The following BRIP1 variants were observed in gnomAD, a reference collection of about 807,000 sequenced individuals.
The protein encoded by BRIP1 is BRCA1 interacting DNA helicase 1.
In BRIP1, 88 loss-of-function variants were observed where a neutral mutation model predicts 119.7. That is an observed-to-expected ratio of 0.74 (90% CI 0.62 to 0.88). The LOEUF (loss-of-function observed/expected upper bound fraction) is 0.88, where lower values mean the gene tolerates loss of function less well. Among genes scored for constraint, BRIP1 ranks in the 40% least tolerant of loss-of-function variants. BRIP1 has a pLI of 0.00. For synonymous variants in BRIP1, 443 were observed against 496.5 expected (o/e 0.89, Z 1.43); for missense variants, 1,259 against 1,455.4 (o/e 0.87, Z 2.20).
Position 61,847,248 on chromosome 17 carries a change from T to C in BRIP1, c.508-28A>G, listed in dbSNP as rs2145745840. ...GTAAACACAGAACCAAAATGAAGTT[T>C]AAGGTGAACTAGAAGTTTAACTGGC... On this transcript the variant is annotated intron_variant, in intron 5 of 19. Coordinates refer to ENST00000259008, the MANE Select transcript of BRIP1 (RefSeq NM_032043.3). 1 of 1,612,840 alleles carries C rather than the reference T, an allele frequency of 6.2e-7. No individual in the cohort carries two copies.
Position 61,795,566 on chromosome 17 carries a change from G to T in BRIP1, c.1341-1837C>A, listed in dbSNP as rs1214562209. Among the ~76,000 whole-genome samples, 1 of 151,998 alleles carries T rather than the reference G, an allele frequency of 6.6e-6. No individual in the cohort carries two copies. The highest frequency in any genetic ancestry group is 1.5e-5 in the Non-Finnish European group (1 of 67,952). The stretch of plus-strand genomic sequence containing the variant: ...AGTGACTTCCAATTTTATCCATTTT[G>T]TTGCAAATGACAGGATCTCCTTCTG... On this transcript the variant is annotated intron_variant, in intron 9 of 19. Transcript: ENST00000259008. The surrounding 1 kb of genome is among the most constrained non-coding windows in gnomAD (Gnocchi z 5.6).
Position 61,780,400 on chromosome 17 carries a change from G to T in BRIP1, c.1796C>A (p.Ala599Asp), listed in dbSNP as rs2145081917. ...AACTTTGCCATTAATATCTGAAAAG[G>T]CCTAAAAGAAAACAACATTAGATAA... ...LNFWCLNPAV[A>D]FSDINGKVQT... is the part of the protein sequence containing the mutation. Residue 599 changes from alanine (A) to aspartate (D), a missense_variant and splice_region_variant, in exon 13 of 20, where the codon GCC (alanine) becomes GAC (aspartate). Transcript: ENST00000259008. The surrounding 1 kb of genome is among the most constrained non-coding windows in gnomAD (Gnocchi z 5.4). 6.2e-7 allele frequency: 1 copy of T among 1,608,230 alleles called. No homozygotes were observed. The highest frequency in any genetic ancestry group is 8.5e-7 in the Non-Finnish European group (1 of 1,174,878).
In BRIP1 at chr17:61,689,699, T is replaced by C. The variant is rs2061419303; in HGVS notation, c.2576-3534A>G. On this transcript the variant is annotated intron_variant, in intron 18 of 19. Coordinates refer to ENST00000259008, the MANE Select transcript of BRIP1 (RefSeq NM_032043.3). This position sits in a 1 kb window ranked among gnomAD's most constrained non-coding sequence, Gnocchi z 4.5. ...AGCAAGATAAAAGCAACTTGTCATA[T>C]ACAAATGAAGTCCCATAAGACAGTC... Among the ~76,000 whole-genome samples the C allele has an allele frequency of 6.6e-6, 1 of 152,128 alleles. No homozygotes were observed. The highest frequency in any genetic ancestry group is 1.5e-5 in the Non-Finnish European group (1 of 68,016).
intron 17 of BRIP1, among the ~76,000 whole-genome samples, chr17:61,698,449 G>A (rs1257848151): frequency 2.0e-5 from 3 of 152,130 alleles, no homozygotes; most frequent in South Asian, 2.1e-4. Context: ...AGCAGAATGC[G>A]TATTTTCCTG....
Position 61,684,184 on chromosome 17 carries a change from C to A in BRIP1, c.2906-44G>T, listed in dbSNP as rs2144095513. On this transcript the variant is annotated intron_variant, in intron 19 of 19. Transcript: ENST00000259008. This position sits in a 1 kb window ranked among gnomAD's most constrained non-coding sequence, Gnocchi z 4.5. The stretch of plus-strand genomic sequence containing the variant: ...AAGAGATTTAACTTTCTGCTCCTAG[C>A]TAACATAATTGCTAGGTTAAAATAA... 1.3e-6 allele frequency: 2 copies of A among 1,594,566 alleles called. No individual in the cohort carries two copies. The highest frequency in any genetic ancestry group is 1.7e-6 in the Non-Finnish European group (2 of 1,165,500).
Position 61,756,183 on chromosome 17 carries a change from G to A in BRIP1, c.2098-11592C>T, listed in dbSNP as rs1436637639. 6.6e-6 allele frequency among the ~76,000 whole-genome samples: 1 copy of A among 152,112 alleles called. No individual in the cohort carries two copies. Among genetic ancestry groups the A allele is most frequent in the Non-Finnish European group, 1.5e-5 (1 of 68,006 alleles). On this transcript the variant is annotated intron_variant, in intron 14 of 19. Transcript: ENST00000259008. The surrounding 1 kb of genome is among the most constrained non-coding windows in gnomAD (Gnocchi z 4.3). ...GGTCTACAGCTTTTATATTCTCATT[G>A]CAGGTGACACTTGAATTACACATTT...
intron 16 of BRIP1, among the ~76,000 whole-genome samples, chr17:61,732,062 AC>A (rs896352867): frequency 2.4e-4 from 34 of 141,274 alleles, no homozygotes; most frequent in African/African-American, 7.8e-4. Flanking sequence ...GCTCACTGCA[AC>A]CTCCCCCTCC....
Position 61,765,462 on chromosome 17 carries a change from G to A in BRIP1, c.2097+10939C>T, listed in dbSNP as rs796691536. Among the ~76,000 whole-genome samples the A allele has an allele frequency of 4.3e-4, 28 of 64,846 alleles. No individual in the cohort carries two copies. In the South Asian group the frequency reaches 0.018, roughly 41 times the overall value. 42.5% of individuals were successfully genotyped at this position (64,846 alleles called of 152,430 possible). A position where few individuals can be genotyped will look rare whatever the true frequency, so the allele number is the denominator to read the frequency against. On this transcript the variant is annotated intron_variant, in intron 14 of 19. Coordinates refer to ENST00000259008, the MANE Select transcript of BRIP1 (RefSeq NM_032043.3). Reference sequence around the variant, plus strand: ...TTTTTTTTTTTTTTTTTGAGACAGAGTTTCACTCTTATTGCCCAGGCTGGA... The same window carrying A: ...TTTTTTTTTTTTTTTTTGAGACAGAATTTCACTCTTATTGCCCAGGCTGGA...
At position 61,824,452 on chromosome 17, in the gene BRIP1, A is replaced by AT. The variant is rs1376751934; in HGVS notation, c.628-15696dup. Among the ~76,000 whole-genome samples, 9 of 152,362 alleles carry AT rather than the reference A, an allele frequency of 5.9e-5. No individual in the cohort carries two copies. Among genetic ancestry groups the AT allele is most frequent in the African/African-American group, 2.2e-4 (9 of 41,592 alleles). ...GTAAGAAAAACAGCATGGTACTGGCATAAAAACAGAAATATAGACCAATGG... is the reference window on the plus strand; with the variant it reads ...GTAAGAAAAACAGCATGGTACTGGCATTAAAAACAGAAATATAGACCAATGG... On this transcript the variant is annotated intron_variant, in intron 6 of 19. Transcript: ENST00000259008. The surrounding 1 kb of genome is among the most constrained non-coding windows in gnomAD (Gnocchi z 4.3).
chr17:61,842,222 G>A lies in BRIP1; in HGVS notation c.627+4879C>T, dbSNP rs925397781. On this transcript the variant is annotated intron_variant, in intron 6 of 19. Transcript: ENST00000259008. The surrounding 1 kb of genome is among the most constrained non-coding windows in gnomAD (Gnocchi z 5.1). Reference sequence around the variant, plus strand: ...TGTATGTTCTTACTCATATGTAGGAGCTAAAAAAAATGAGCTCATAGAAGT... The same window carrying A: ...TGTATGTTCTTACTCATATGTAGGAACTAAAAAAAATGAGCTCATAGAAGT... 4.6e-5 allele frequency among the ~76,000 whole-genome samples: 7 copies of A among 151,994 alleles called. No individual in the cohort carries two copies. The highest frequency in any genetic ancestry group is 1.7e-4 in the African/African-American group (7 of 41,368).
intron 6 of BRIP1, among the ~76,000 whole-genome samples, chr17:61,830,529 A>G (rs1236907708): frequency 2.0e-5 from 3 of 152,160 alleles, no homozygotes; most frequent in Admixed American, 6.5e-5. Flanking sequence ...ACTTAAAGAA[A>G]TAAGAGAATA....
intron 11 of BRIP1, among the ~76,000 whole-genome samples, chr17:61,783,353 T>C (rs1437364178): frequency 6.6e-6 from 1 of 152,154 alleles, no homozygotes; most frequent in Non-Finnish European, 1.5e-5. Context: ...AGAAAGGACT[T>C]CATAAGATGA....
In BRIP1 at chr17:61,725,724, C is replaced by T. The variant is rs1329568391; in HGVS notation, c.2380-9661G>A. On this transcript the variant is annotated intron_variant, in intron 16 of 19. Transcript: ENST00000259008. The surrounding 1 kb of genome is among the most constrained non-coding windows in gnomAD (Gnocchi z 5.3). ...GCAACCTCCAACTCCTGGGTTCAAG[C>T]AATCATTCTGCTTCAGCCTCCTCAG... Among the ~76,000 whole-genome samples, 1 of 152,090 alleles carries T rather than the reference C, an allele frequency of 6.6e-6. No individual in the cohort carries two copies. The highest frequency in any genetic ancestry group is 1.5e-5 in the Non-Finnish European group (1 of 68,022).
chr17:61,795,742 C>A lies in BRIP1; in HGVS notation c.1341-2013G>T, dbSNP rs1158733443. Reference sequence around the variant, plus strand: ...GGAGTATAGCTATACCTTTGATATACTGATTTCCTTTATTTTGGGTATATA... The same window carrying A: ...GGAGTATAGCTATACCTTTGATATAATGATTTCCTTTATTTTGGGTATATA... On this transcript the variant is annotated intron_variant, in intron 9 of 19. Coordinates refer to ENST00000259008, the MANE Select transcript of BRIP1 (RefSeq NM_032043.3). The surrounding 1 kb of genome is among the most constrained non-coding windows in gnomAD (Gnocchi z 5.6). 2.0e-5 allele frequency among the ~76,000 whole-genome samples: 3 copies of A among 152,034 alleles called. No individual in the cohort carries two copies. Among genetic ancestry groups the A allele is most frequent in the Non-Finnish European group, 4.4e-5 (3 of 67,980 alleles).
rs1187952180 is a variant in BRIP1, at chr17:61,754,875, T to TA, written c.2098-10285dup. Among the ~76,000 whole-genome samples, 2 of 152,148 alleles carry TA rather than the reference T, an allele frequency of 1.3e-5. No individual in the cohort carries two copies. Among genetic ancestry groups the TA allele is most frequent in the Admixed American group, 6.5e-5 (1 of 15,268 alleles). On this transcript the variant is annotated intron_variant, in intron 14 of 19. Transcript: ENST00000259008. This position sits in a 1 kb window ranked among gnomAD's most constrained non-coding sequence, Gnocchi z 4.1. ...AATCCTATCAGATAAGGAAGGCCCT[T>TA]ACAGCCTCATTTAACCGCAATTACT... is the stretch of plus-strand genomic sequence containing the variant.
rs1449010930 is a variant in BRIP1, at chr17:61,825,292, A to C, written c.628-16535T>G. On this transcript the variant is annotated intron_variant, in intron 6 of 19. Coordinates refer to ENST00000259008, the MANE Select transcript of BRIP1 (RefSeq NM_032043.3). This position sits in a 1 kb window ranked among gnomAD's most constrained non-coding sequence, Gnocchi z 4.1. Reference sequence around the variant, plus strand: ...AGAGCAAGACTCTGTCTCAAAACGAAAAAAAAAAGAAAAGAAAAGAAAAGA... The same window carrying C: ...AGAGCAAGACTCTGTCTCAAAACGACAAAAAAAAGAAAAGAAAAGAAAAGA... Among the ~76,000 whole-genome samples the C allele has an allele frequency of 6.6e-6, 1 of 150,856 alleles. No individual in the cohort carries two copies. The highest frequency in any genetic ancestry group is 2.4e-5 in the African/African-American group (1 of 41,048).
rs754224663 is a variant in BRIP1, at chr17:61,686,070, C to G, written c.2671G>C (p.Val891Leu). 1.9e-6 allele frequency: 3 copies of G among 1,613,806 alleles called. No homozygotes were observed. The Admixed American group carries it at 5.0e-5, about 27-fold the overall frequency. Reference sequence around the variant, plus strand: ...CTGTCCTTTATGGATACATTAAGAACTTTTTGATGCTTTTTGGAAAATTCA... The same window carrying G: ...CTGTCCTTTATGGATACATTAAGAAGTTTTTGATGCTTTTTGGAAAATTCA... ...LAEFSKKHQK[V>L]LNVSIKDRTN... is the part of the protein sequence containing the mutation. Residue 891 changes from valine to leucine, a missense_variant, in exon 19 of 20, where the codon GTT (valine) becomes CTT (leucine). Around this residue, in one of 3 missense-constraint regions of BRIP1, gnomAD observed 753 missense variants for 891.8 expected, o/e 0.84. Coordinates refer to ENST00000259008, the MANE Select transcript of BRIP1 (RefSeq NM_032043.3). The surrounding 1 kb of genome is among the most constrained non-coding windows in gnomAD (Gnocchi z 5.4).
rs2061254380 is a variant in BRIP1, at chr17:61,680,275, C to T, written c.*3021G>A. ...GCTGAGACATGAGAATCGCTTTAAC[C>T]TGCGAGGCAGAGGTTGCAGTGAGCC... is the stretch of plus-strand genomic sequence containing the variant. On this transcript the variant is annotated 3_prime_UTR_variant, in exon 20 of 20. Transcript: ENST00000259008. 1.3e-5 allele frequency among the ~76,000 whole-genome samples: 2 copies of T among 151,730 alleles called. No individual in the cohort carries two copies.
intron 16 of BRIP1, among the ~76,000 whole-genome samples, chr17:61,716,435 CT>C (rs2061864471): frequency 6.6e-6 from 1 of 152,020 alleles, no homozygotes; most frequent in Non-Finnish European, 1.5e-5. Context: ...TAGTAAATTT[CT>C]TTCTTCCACT....
Sources: allele counts gnomAD v4.1 joint callset (sites outside exome capture counted in the v4.1 genomes callset), GRCh38; gene constraint gnomAD v4.1.1; regional missense constraint gnomAD v4.1.1; non-coding constraint Gnocchi (gnomAD v3.1); transcripts MANE v1.5; gene names NCBI Gene and HGNC (gene_info 2026-07-23, HGNC 2026-07-21).